The following ATRX variants were observed in gnomAD, a reference collection of about 807,000 sequenced individuals.
ATRX encodes the protein chromatin remodeler ATRX.
A neutral mutation model predicts 172.6 loss-of-function variants in ATRX; 12 were observed. The ratio of observed to expected loss-of-function variants is 0.07; its 90% CI spans 0.04 to 0.11. The LOEUF (loss-of-function observed/expected upper bound fraction) is 0.11. ATRX is among the 10% of genes least tolerant of loss of function. The probability of loss-of-function intolerance (pLI) is 1.00; values close to 1 mark genes in which losing one functional copy is unlikely to be tolerated. For synonymous variants in ATRX, 674 were observed against 594.7 expected (o/e 1.13, Z -1.94); for missense variants, 1,368 against 1,767.4 (o/e 0.77, Z 4.05).
intron 28 of ATRX, among the ~76,000 whole-genome samples, chrX:77,569,655 A>T (rs1406947740): frequency 8.9e-6 from 1 of 112,039 alleles, no homozygotes; most frequent in Admixed American, 9.5e-5. Flanking sequence ...CATTTACAAT[A>T]ACTCAAAAAG....
intron 10 of ATRX, among the ~76,000 whole-genome samples, chrX:77,667,185 T>TC (rs1329113350): frequency 2.7e-5 from 3 of 110,825 alleles, no homozygotes; most frequent in African/African-American, 9.8e-5. Flanking sequence ...ACTTTTTTTT[T>TC]CTGTTGGTAT....
intron 10 of ATRX, among the ~76,000 whole-genome samples, chrX:77,668,818 T>A: frequency 2.1e-5 from 2 of 95,240 alleles, no homozygotes; most frequent in African/African-American, 7.9e-5. Context: ...AACAACACAA[T>A]GACAAACAAG....
intron 1 of ATRX, among the ~76,000 whole-genome samples, chrX:77,762,269 C>CACTCCAG (rs782520213): frequency 8.4e-5 from 8 of 95,582 alleles, no homozygotes; most frequent in Non-Finnish European, 8.2e-5. Context: ...CACGCCACTG[C>CACTCCAG]ACTCCAGCCT....
intron 1 of ATRX, among the ~76,000 whole-genome samples, chrX:77,723,495 G>C (rs1207498175): frequency 9.0e-6 from 1 of 111,432 alleles, no homozygotes; most frequent in African/African-American, 3.3e-5. Flanking sequence ...GTTTTCTTTT[G>C]GTGGAGAGGG....
At chrX:77,602,254 C>T (rs946596523) in intron 22 of ATRX, among the ~76,000 whole-genome samples, 3 of 111,502 alleles carry the variant, frequency 2.7e-5, no homozygotes, top group African/African-American at 9.8e-5. Flanking sequence ...AAGGATTGTT[C>T]TGCCTTGGCC....
At chrX:77,614,998 G>GGTT (rs45449991) in intron 22 of ATRX, among the ~76,000 whole-genome samples, 33 of 107,229 alleles carry the variant, frequency 3.1e-4, no homozygotes, top group Non-Finnish European at 5.4e-4. Flanking sequence ...TGGTGGTGGT[G>GGTT]GTTGTTGTTG....
intron 13 of ATRX, among the ~76,000 whole-genome samples, chrX:77,656,069 C>T (rs1294674254): frequency 2.7e-5 from 3 of 111,506 alleles, no homozygotes; most frequent in Non-Finnish European, 3.8e-5. Context: ...ACTACTGAGA[C>T]CAATAATTTA....
At chrX:77,739,302 T>C (rs1307816530) in intron 1 of ATRX, among the ~76,000 whole-genome samples, 1 of 110,350 alleles carries the variant, frequency 9.1e-6, no homozygotes, top group Non-Finnish European at 1.9e-5. Flanking sequence ...TCCAGGTTAC[T>C]GCAAATGCCA....
At chrX:77,621,848 A>C (rs753468) in intron 19 of ATRX, among the ~76,000 whole-genome samples, 57,118 of 108,806 alleles carry the variant, frequency 0.52, 12,907 homozygotes, top group Non-Finnish European at 0.69. Flanking sequence ...TAGTAAAAAA[A>C]AACAACAACA....
chrX:77,589,546 A>G (rs1322192618), intron 27 of ATRX, among the ~76,000 whole-genome samples: 5 of 111,959 alleles, frequency 4.5e-5, no homozygotes, highest in African/African-American at 1.6e-4. Flanking sequence ...ACCAAAAAAA[A>G]CTATGTGAGA....
chrX:77,785,519 G>A (rs1193835770), intron 1 of ATRX, among the ~76,000 whole-genome samples: 1 of 108,156 alleles, frequency 9.2e-6, no homozygotes, highest in African/African-American at 3.4e-5. Flanking sequence ...CAACCTAAAC[G>A]CCTCTAAGTC....
intron 2 of ATRX, among the ~76,000 whole-genome samples, chrX:77,705,215 C>T (rs1243091580): frequency 9.0e-6 from 1 of 111,606 alleles, no homozygotes; most frequent in Non-Finnish European, 1.9e-5. Flanking sequence ...GAATGAGAGG[C>T]CTGGGACTGC....
chrX:77,682,514 T>G lies in ATRX; in HGVS notation c.2742A>C (p.Ala914=). The G allele has an allele frequency of 8.3e-7, 1 of 1,211,628 alleles. No homozygotes were observed. The highest frequency in any genetic ancestry group is 1.1e-6 in the Non-Finnish European group (1 of 895,421). ...TATCGACACCATCAGTGGAAGCACT[T>G]GCTTGCTGCTTCTTAGGAAGTCGAT... ...LRDRLPKKQQ[A]SASTDGVDKL... is the part of the protein sequence containing the mutation. Residue 914 remains alanine (A), a synonymous_variant, in exon 9 of 35, where the codon GCA becomes GCC. Transcript: ENST00000373344.
rs1192055472 is a variant in ATRX, at chrX:77,786,151, T to A, written c.-150A>T. The A allele has an allele frequency of 1.4e-4, 89 of 624,448 alleles. No homozygotes were observed. Among genetic ancestry groups the A allele is most frequent in the Non-Finnish European group, 2.0e-4 (84 of 423,270 alleles). 51.5% of individuals were successfully genotyped at this position (624,448 alleles called of 1,213,427 possible). On this transcript the variant is annotated 5_prime_UTR_variant, in exon 1 of 35. Coordinates refer to ENST00000373344, the MANE Select transcript of ATRX (RefSeq NM_000489.6). ...CCCACAGCTCAAAGGCCGCTACCACTGCCACCGCCGCAGGAGCCGCGGAAA... is the reference window on the plus strand; with the variant it reads ...CCCACAGCTCAAAGGCCGCTACCACAGCCACCGCCGCAGGAGCCGCGGAAA...
chrX:77,749,013 T>C (rs1164053111), intron 1 of ATRX, among the ~76,000 whole-genome samples: 6 of 111,511 alleles, frequency 5.4e-5, no homozygotes, highest in Middle Eastern at 4.6e-3. Context: ...CGTACATGCA[T>C]ATATTGCATG....
At chrX:77,510,000 C>G (rs968492663) in intron 34 of ATRX, among the ~76,000 whole-genome samples, 4 of 109,765 alleles carry the variant, frequency 3.6e-5, no homozygotes, top group African/African-American at 1.3e-4. Flanking sequence ...CCAGGCAGCA[C>G]AGCTCACAGC....
chrX:77,683,752 G>T lies in ATRX; in HGVS notation c.1504C>A (p.Pro502Thr), dbSNP rs914518605. The change falls in exon 9 of 35, where the codon CCT becomes ACT. Residue 502 changes from proline (P) to threonine (T), a missense_variant. Transcript: ENST00000373344. Reference sequence around the variant, plus strand: ...GAAGTGTTGGCAGGTTCATATTGAGGTTCTTCTTTTCTATCAGATTTCTTA... The same window carrying T: ...GAAGTGTTGGCAGGTTCATATTGAGTTTCTTCTTTTCTATCAGATTTCTTA... ...EHKKSDRKEE[P>T]QYEPANTSED... 4.1e-6 allele frequency: 5 copies of T among 1,210,571 alleles called. No homozygotes were observed. Among genetic ancestry groups the T allele is most frequent in the Non-Finnish European group, 5.6e-6 (5 of 894,711 alleles).
chrX:77,761,255 T>C (rs782751978), intron 1 of ATRX, among the ~76,000 whole-genome samples: 2 of 111,807 alleles, frequency 1.8e-5, no homozygotes, highest in Non-Finnish European at 3.8e-5. Flanking sequence ...TTAAAGGGTA[T>C]GGCCAGGCGC....
chrX:77,774,509 C>G (rs782707264), intron 1 of ATRX, among the ~76,000 whole-genome samples: 1 of 110,471 alleles, frequency 9.1e-6, no homozygotes, highest in East Asian at 2.9e-4. Context: ...AAACCCGTCT[C>G]GACTAAAAAT....
Sources: allele counts gnomAD v4.1 joint callset (sites outside exome capture counted in the v4.1 genomes callset), GRCh38; gene constraint gnomAD v4.1.1; transcripts MANE v1.5; gene names NCBI Gene and HGNC (gene_info 2026-07-23, HGNC 2026-07-21).